Variants in ARHGAP44 observed in about 807,000 individuals in gnomAD.
ARHGAP44 encodes the protein Rho GTPase activating protein 44.
A neutral mutation model predicts 106.8 loss-of-function variants in ARHGAP44; 43 were observed. That is an observed-to-expected ratio of 0.40 (90% CI 0.32 to 0.52). ARHGAP44 has a LOEUF of 0.52. Among genes scored for constraint, ARHGAP44 ranks in the 20% least tolerant of loss-of-function variants. The pLI, the probability that ARHGAP44 is intolerant of heterozygous loss-of-function variation, is 0.48. For synonymous variants in ARHGAP44, 439 were observed against 410.3 expected (o/e 1.07, Z -0.85); for missense variants, 866 against 1,050.5 (o/e 0.82, Z 2.43).
chr17:12,951,057 A>G (rs2038980803), intron 12 of ARHGAP44, among the ~76,000 whole-genome samples: 2 of 152,226 alleles, frequency 1.3e-5, no homozygotes, highest in African/African-American at 4.8e-5. Context: ...TTTATTTCCA[A>G]AGCAGAATGG....
chr17:12,924,642 A>C (rs1017453738), intron 6 of ARHGAP44, among the ~76,000 whole-genome samples: 2 of 152,258 alleles, frequency 1.3e-5, no homozygotes, highest in African/African-American at 4.8e-5. Context: ...GTTCTTTAGG[A>C]GAACCTTATT....
intron 1 of ARHGAP44, among the ~76,000 whole-genome samples, chr17:12,884,960 G>A (rs917766717): frequency 6.6e-6 from 1 of 152,106 alleles, no homozygotes; most frequent in African/African-American, 2.4e-5. Flanking sequence ...GAGTGCCATG[G>A]TGTGATCTCA....
intron 7 of ARHGAP44, among the ~76,000 whole-genome samples, chr17:12,932,019 C>G (rs1417054518): frequency 6.6e-6 from 1 of 151,812 alleles, no homozygotes; most frequent in Admixed American, 6.6e-5. Context: ...AATTTTTTTT[C>G]TATAGGATAG....
intron 7 of ARHGAP44, among the ~76,000 whole-genome samples, chr17:12,938,591 A>AAAC (rs1277052967): frequency 2.6e-5 from 4 of 151,424 alleles, no homozygotes; most frequent in Admixed American, 1.3e-4. Context: ...TTAAAAAAAA[A>AAAC]AAAAAAAAAA....
chr17:12,984,808 G>T lies in ARHGAP44; in HGVS notation c.2217G>T (p.Pro739=). Residue 739 remains proline, a synonymous_variant, in exon 20 of 21, where the codon CCG becomes CCT. Coordinates refer to ENST00000379672, the MANE Select transcript of ARHGAP44 (RefSeq NM_014859.6). ...AGCCGCGACAGAGACCTACTCTGCC[G>T]CCTCCTCAGCCTCCCACAGTAAACC... ...TPKPRQRPTL[P]PPQPPTVNLS... 1 of 1,613,906 alleles carries T rather than the reference G, an allele frequency of 6.2e-7. No individual in the cohort carries two copies. Among genetic ancestry groups the T allele is most frequent in the Non-Finnish European group, 8.5e-7 (1 of 1,179,902 alleles).
intron 6 of ARHGAP44, among the ~76,000 whole-genome samples, chr17:12,920,150 C>T (rs1011271064): frequency 1.7e-4 from 26 of 151,912 alleles, no homozygotes; most frequent in African/African-American, 5.3e-4. Context: ...CCAAGGCGGG[C>T]GGATCACAAG....
In ARHGAP44 at chr17:12,991,433, T is replaced by G. The variant is rs1375843895; in HGVS notation, c.*1262T>G. 11 of 165,610 alleles carry G rather than the reference T, an allele frequency of 6.6e-5. No homozygotes were observed. The East Asian group carries it at 1.4e-3, about 21-fold the overall frequency. The allele number at this position is 165,610 out of a possible 1,614,324, so 10.3% of individuals were successfully genotyped here. A position where few individuals can be genotyped will look rare whatever the true frequency, so the allele number is the denominator to read the frequency against. On this transcript the variant is annotated 3_prime_UTR_variant, in exon 21 of 21. Transcript: ENST00000379672. Reference sequence around the variant, plus strand: ...AAAAATTTAAATGCTTAGTTATTTTTCCCAACACAGTGTAAAGTCACCCTC... The same window carrying G: ...AAAAATTTAAATGCTTAGTTATTTTGCCCAACACAGTGTAAAGTCACCCTC...
At chr17:12,909,115 A>G in intron 4 of ARHGAP44, 142 bp downstream of exon 4, 1 of 694,908 alleles carries the variant, frequency 1.4e-6, no homozygotes, top group Non-Finnish European at 2.4e-6. Context: ...CCAGTAGGAA[A>G]TCAGAACTCT....
rs376200698 is a variant in ARHGAP44, at chr17:12,938,582, T to TTAAAAAAAAAAAAAAA, written c.583-2474_583-2473insTAAAAAAAAAAAAAAA. Among the ~76,000 whole-genome samples the TTAAAAAAAAAAAAAAA allele has an allele frequency of 3.1e-5, 4 of 127,002 alleles. 2 individuals carry two copies. The highest frequency in any genetic ancestry group is 6.7e-5 in the Non-Finnish European group (4 of 59,580). The allele number at this position is 127,002 out of a possible 152,430, so 83.3% of individuals were successfully genotyped here. Reference sequence around the variant, plus strand: ...CTGGGACATTTGGTTAGCTATATATTAAAAAAAAAAAAAAAAAAAAACAGC... The same window carrying TTAAAAAAAAAAAAAAA: ...CTGGGACATTTGGTTAGCTATATATTTAAAAAAAAAAAAAAAAAAAAAAAAAAAAAAAAAAAACAGC... On this transcript the variant is annotated intron_variant, in intron 7 of 20. Coordinates refer to ENST00000379672, the MANE Select transcript of ARHGAP44 (RefSeq NM_014859.6).
At chr17:12,844,777 T>C (rs1218171056) in intron 1 of ARHGAP44, among the ~76,000 whole-genome samples, 2 of 152,220 alleles carry the variant, frequency 1.3e-5, no homozygotes, top group Non-Finnish European at 2.9e-5. Flanking sequence ...TATTTTTATT[T>C]ATTTATTTTT....
At chr17:12,938,740 T>G (rs1457832611) in intron 7 of ARHGAP44, among the ~76,000 whole-genome samples, 1 of 152,230 alleles carries the variant, frequency 6.6e-6, no homozygotes, top group Non-Finnish European at 1.5e-5. Context: ...GTTTTTTACC[T>G]TTATAAAGAA....
At chr17:12,985,096 G>C (rs771747890) in intron 20 of ARHGAP44, 188 bp downstream of exon 20, 2 of 699,018 alleles carry the variant, frequency 2.9e-6, no homozygotes, top group African/African-American at 1.8e-5. Context: ...TGGAATCCAT[G>C]TGTCCCACAC....
chr17:12,838,563 A>C (rs2035302850), intron 1 of ARHGAP44, among the ~76,000 whole-genome samples: 1 of 152,166 alleles, frequency 6.6e-6, no homozygotes, highest in Non-Finnish European at 1.5e-5. Flanking sequence ...GTGCGGTGGC[A>C]GTGGAGGGAA....
intron 1 of ARHGAP44, among the ~76,000 whole-genome samples, chr17:12,818,904 G>A (rs886822083): frequency 3.3e-5 from 5 of 152,016 alleles, no homozygotes; most frequent in Non-Finnish European, 2.9e-5. Context: ...GCGTATTTTT[G>A]TAGATACAGA....
At chr17:12,857,737 C>G (rs973413743) in intron 1 of ARHGAP44, among the ~76,000 whole-genome samples, 17 of 151,766 alleles carry the variant, frequency 1.1e-4, no homozygotes, top group Non-Finnish European at 2.1e-4. Context: ...CCCCAACCAC[C>G]ACAAACTTTA....
intron 3 of ARHGAP44, among the ~76,000 whole-genome samples, chr17:12,905,331 T>C (rs1408121552): frequency 1.3e-5 from 2 of 152,316 alleles, no homozygotes; most frequent in Admixed American, 6.5e-5. Flanking sequence ...TAAGAGGATG[T>C]CAAAATCATT....
At chr17:12,912,444 T>C (rs1295842947) in intron 4 of ARHGAP44, among the ~76,000 whole-genome samples, 1 of 151,640 alleles carries the variant, frequency 6.6e-6, no homozygotes, top group Admixed American at 6.6e-5. Context: ...AATTGGAAAA[T>C]TAGAGGATCA....
chr17:12,971,497 G>T (rs981838768), intron 16 of ARHGAP44, among the ~76,000 whole-genome samples: 7 of 152,122 alleles, frequency 4.6e-5, no homozygotes, highest in African/African-American at 1.7e-4. Context: ...CAACTAAGTG[G>T]TATCAGTTCC....
rs1320647375 is a variant in ARHGAP44, at chr17:12,789,629, G to C, written c.-210G>C. 5 of 339,114 alleles carry C rather than the reference G, an allele frequency of 1.5e-5. No homozygotes were observed. The highest frequency in any genetic ancestry group is 1.4e-4 in the South Asian group (1 of 7,272). 21.0% of individuals were successfully genotyped at this position (339,114 alleles called of 1,614,324 possible). ...CCCGGGCATTGCGCGGCGCGCGTGA[G>C]GGGGATGCGGCAGGAGGCGGCGCGG... On this transcript the variant is annotated 5_prime_UTR_variant, in exon 1 of 21. Coordinates refer to ENST00000379672, the MANE Select transcript of ARHGAP44 (RefSeq NM_014859.6).
Sources: gnomAD v4.1 joint callset for allele counts (sites outside exome capture counted in the v4.1 genomes callset) on GRCh38, gnomAD v4.1.1 for gene constraint, MANE v1.5 for transcripts, NCBI Gene and HGNC (gene_info 2026-07-23, HGNC 2026-07-21) for gene names.